Variants in LETM1 observed in about 807,000 individuals in gnomAD.
LETM1 encodes mitochondrial proton/calcium exchanger protein.
A neutral mutation model predicts 74.5 loss-of-function variants in LETM1; 50 were observed. The observed-to-expected ratio is 0.67, with a 90% CI of 0.53 to 0.85. LETM1 has a LOEUF of 0.85. Among genes scored for constraint, LETM1 ranks in the 40% least tolerant of loss-of-function variants. The pLI, the probability that LETM1 is intolerant of heterozygous loss-of-function variation, is 0.00. For missense variants in LETM1, 824 were observed against 967.8 expected (o/e 0.85, Z 1.97); for synonymous variants, 446 against 407.1 (o/e 1.10, Z -1.15).
intron 6 of LETM1, among the ~76,000 whole-genome samples, chr4:1,826,742 T>A (rs1473933949): frequency 6.6e-6 from 1 of 152,258 alleles, no homozygotes; most frequent in Non-Finnish European, 1.5e-5. Context: ...TGATCAGGAA[T>A]GAAGATGCTT....
rs1352218446 is a variant in LETM1, at chr4:1,823,718, C to T, written c.1258G>A (p.Ala420Thr). The change falls in exon 8 of 14, where the codon GCC (alanine) becomes ACC (threonine). Residue 420 changes from alanine (A) to threonine (T), a missense_variant. Ala to Thr is a moderately conservative substitution (Grantham distance 58). Around this residue, in one of 4 missense-constraint regions of LETM1, gnomAD observed 172 missense variants for 170.7 expected, o/e 1.01. Transcript: ENST00000302787. ...GAGAGGGTGTCCGGGAGGTACATGG[C>T]CCGGGACAGGATGAGCAGCGATGTG... ...IPTSLLILSR[A>T]MYLPDTLSPA... 6.2e-7 allele frequency: 1 copy of T among 1,613,750 alleles called. No individual in the cohort carries two copies. Among genetic ancestry groups the T allele is most frequent in the Non-Finnish European group, 8.5e-7 (1 of 1,179,870 alleles).
chr4:1,815,580 C>T lies in LETM1; in HGVS notation c.2070+84G>A, dbSNP rs1039809863. The stretch of plus-strand genomic sequence containing the variant: ...AGGGGGTAGCTGCCCAGGAGGGTGC[C>T]GGACATGCAATGAACAGTCCCCCTG... On this transcript the variant is annotated intron_variant, in intron 13 of 13. Transcript: ENST00000302787. The T allele has an allele frequency of 4.3e-5, 65 of 1,495,308 alleles. No homozygotes were observed. The East Asian group carries it at 1.2e-3, about 29-fold the overall frequency. 92.6% of individuals were successfully genotyped at this position (1,495,308 alleles called of 1,614,324 possible).
At chr4:1,825,462 C>A in intron 7 of LETM1, 102 bp downstream of exon 7, 3 of 1,454,120 alleles carry the variant, frequency 2.1e-6, no homozygotes, top group Non-Finnish European at 2.8e-6. Context: ...TGTCGCCTCG[C>A]CAGGCCGGCC....
At chr4:1,835,481 AAAC>A (rs1441352784) in intron 4 of LETM1, among the ~76,000 whole-genome samples, 5 of 134,538 alleles carry the variant, frequency 3.7e-5, no homozygotes, top group African/African-American at 2.0e-4. Flanking sequence ...ACAAACAAAC[AAAC>A]AAAAACAAAC....
At chr4:1,837,206 C>A (rs773991131) in intron 3 of LETM1, among the ~76,000 whole-genome samples, 2 of 152,166 alleles carry the variant, frequency 1.3e-5, no homozygotes, top group African/African-American at 2.4e-5. Flanking sequence ...CCAAGGTGTT[C>A]CATGTAGTTC....
chr4:1,822,745 C>T (rs1711828813), intron 9 of LETM1: 1 of 395,468 alleles, frequency 2.5e-6, no homozygotes, highest in Non-Finnish European at 4.4e-6. Context: ...AAGCTTGCCC[C>T]TCTGAGACGG....
chr4:1,814,505 T>C lies in LETM1; in HGVS notation c.2139A>G (p.Thr713=), dbSNP rs755445723. Residue 713 remains threonine, a synonymous_variant, in exon 14 of 14, where the codon ACA becomes ACG. Transcript: ENST00000302787. ...STSQVAEIVA[T]LEKEEKVEEK... Reference sequence around the variant, plus strand: ...CCTCCACCTTCTCCTCTTTTTCCAGTGTTGCTACAATCTCAGCCACCTGGC... The same window carrying C: ...CCTCCACCTTCTCCTCTTTTTCCAGCGTTGCTACAATCTCAGCCACCTGGC... 33 of 1,614,018 alleles carry C rather than the reference T, an allele frequency of 2.0e-5. No individual in the cohort carries two copies. The East Asian group carries it at 3.3e-4, about 16-fold the overall frequency.
Position 1,849,144 on chromosome 4 carries a change from C to T in LETM1, c.143+5G>A. 2 of 1,606,720 alleles carry T rather than the reference C, an allele frequency of 1.2e-6. No individual in the cohort carries two copies. The highest frequency in any genetic ancestry group is 1.7e-6 in the Non-Finnish European group (2 of 1,173,178). On this transcript the variant is annotated splice_donor_5th_base_variant and intron_variant, in intron 2 of 13. Coordinates refer to ENST00000302787, the MANE Select transcript of LETM1 (RefSeq NM_012318.3). The stretch of plus-strand genomic sequence containing the variant: ...ACAGGTGCAGAGTGATACTGATTTA[C>T]TCACAGGCAGTTCCTCAACCCCAGG...
intron 1 of LETM1, among the ~76,000 whole-genome samples, chr4:1,850,433 T>C (rs959474673): frequency 1.3e-5 from 2 of 152,120 alleles, no homozygotes; most frequent in African/African-American, 4.8e-5. Flanking sequence ...CAGCTGGCTC[T>C]GGTGGAAACA....
chr4:1,826,043 C>T (rs961176710), intron 6 of LETM1, among the ~76,000 whole-genome samples: 1 of 152,140 alleles, frequency 6.6e-6, no homozygotes, highest in Non-Finnish European at 1.5e-5. Context: ...GGATGGAAGG[C>T]GAGGGAACCA....
chr4:1,832,644 C>T, intron 6 of LETM1, 100 bp downstream of exon 6: 3 of 1,190,192 alleles, frequency 2.5e-6, no homozygotes, highest in Non-Finnish European at 3.7e-6. Flanking sequence ...GATCGTTCAG[C>T]ATCTTCCAGA....
Position 1,816,861 on chromosome 4 carries a change from C to A in LETM1, c.1797G>T (p.Val599=), listed in dbSNP as rs779486422. ...ATCTCTTGCTGGCTTTAGATTCTTC[C>A]ACGTACTTTTCTTCACCAGTCTTTG... The part of the protein sequence containing the change: ...ELSKTGEEKY[V]EESKASKRLT... The change falls in exon 12 of 14, where the codon GTG becomes GTT. Residue 599 remains valine (V), a synonymous_variant. Coordinates refer to ENST00000302787, the MANE Select transcript of LETM1 (RefSeq NM_012318.3). 1.9e-6 allele frequency: 3 copies of A among 1,614,036 alleles called. No individual in the cohort carries two copies. In the South Asian group the frequency reaches 3.3e-5, roughly 18 times the overall value.
intron 13 of LETM1, 75 bp downstream of exon 13, chr4:1,815,589 A>G: frequency 6.4e-7 from 1 of 1,553,120 alleles, no homozygotes; most frequent in Non-Finnish European, 8.8e-7. Context: ...CCGGACATGC[A>G]ATGAACAGTC....
At chr4:1,817,447 G>A (rs1711608892) in intron 11 of LETM1, among the ~76,000 whole-genome samples, 1 of 152,064 alleles carries the variant, frequency 6.6e-6, no homozygotes, top group East Asian at 1.9e-4. Flanking sequence ...TGTAGTGCCA[G>A]CTACCCAGGA....
intron 6 of LETM1, among the ~76,000 whole-genome samples, chr4:1,828,274 G>A (rs1712088430): frequency 7.3e-6 from 1 of 137,020 alleles, no homozygotes; most frequent in Non-Finnish European, 1.6e-5. Context: ...GCCGGGCGGG[G>A]GGCTGACCCC....
intron 1 of LETM1, among the ~76,000 whole-genome samples, chr4:1,849,745 G>A (rs940089842): frequency 2.0e-5 from 3 of 152,314 alleles, no homozygotes; most frequent in South Asian, 2.1e-4. Flanking sequence ...ACGGGGTTTC[G>A]TTTTGTTGCC....
chr4:1,837,769 T>A (rs1474162975), intron 3 of LETM1, among the ~76,000 whole-genome samples: 1 of 150,506 alleles, frequency 6.6e-6, no homozygotes, highest in East Asian at 2.0e-4. Context: ...AATCGCCTGA[T>A]CTTGGGTCAT....
intron 2 of LETM1, among the ~76,000 whole-genome samples, chr4:1,842,202 T>C (rs1413503563): frequency 2.0e-5 from 3 of 152,198 alleles, no homozygotes; most frequent in Non-Finnish European, 4.4e-5. Flanking sequence ...TTGTTGACTT[T>C]GGAGGTCCTC....
At chr4:1,827,824 G>A (rs1712054058) in intron 6 of LETM1, among the ~76,000 whole-genome samples, 1 of 150,924 alleles carries the variant, frequency 6.6e-6, no homozygotes, top group African/African-American at 2.4e-5. Flanking sequence ...AGACGGGGTG[G>A]TGGCCGGGCA....
Sources: allele counts gnomAD v4.1 joint callset (sites outside exome capture counted in the v4.1 genomes callset), GRCh38; gene constraint gnomAD v4.1.1; regional missense constraint gnomAD v4.1.1; transcripts MANE v1.5; gene names NCBI Gene and HGNC (gene_info 2026-07-23, HGNC 2026-07-21).